Variants in CEP350 observed in about 807,000 individuals in gnomAD.
CEP350 encodes the protein centrosomal protein 350, also known as centrosome-associated protein 350.
Under a neutral mutation model 331.8 loss-of-function variants are expected in CEP350, and 126 were observed. The ratio of observed to expected loss-of-function variants is 0.38; its 90% CI spans 0.33 to 0.44. The LOEUF is 0.44. Among genes scored for constraint, CEP350 ranks in the 20% least tolerant of loss-of-function variants. The pLI is 1.00. For synonymous variants in CEP350, 1,200 were observed against 1,259.5 expected, an observed-to-expected ratio of 0.95 and a Z score of 1.00; for missense variants, 3,406 against 3,634.6, an observed-to-expected ratio of 0.94 and a Z score of 1.62.
intron 27 of CEP350, among the ~76,000 whole-genome samples, chr1:180,069,230 A>G (rs1185981487): frequency 6.6e-6 from 1 of 152,212 alleles, no homozygotes; most frequent in East Asian, 1.9e-4. Flanking sequence ...GGCTTACAAA[A>G]CTGTTAAAGG....
chr1:180,074,057 C>T, intron 27 of CEP350: 1 of 650,926 alleles, frequency 1.5e-6, no homozygotes, highest in Non-Finnish European at 2.2e-6. Context: ...CTTTTGTTTC[C>T]ACATTAATTT....
chr1:180,067,789 AC>A (rs1658633069), intron 27 of CEP350, among the ~76,000 whole-genome samples: 1 of 152,232 alleles, frequency 6.6e-6, no homozygotes, highest in Non-Finnish European at 1.5e-5. Context: ...GGTCTCTGAA[AC>A]AAAGTAATGT....
chr1:180,078,720 A>T, intron 29 of CEP350, 46 bp downstream of exon 29: 1 of 1,489,260 alleles, frequency 6.7e-7, no homozygotes, highest in East Asian at 2.5e-5. Context: ...TAGAAAAAAA[A>T]CTGAAAGGTA....
chr1:180,001,272 T>G (rs1356529761), intron 6 of CEP350, among the ~76,000 whole-genome samples: 1 of 152,166 alleles, frequency 6.6e-6, no homozygotes, highest in Non-Finnish European at 1.5e-5. Context: ...TTTATTTTAT[T>G]TTTTGAGACA....
Position 180,062,315 on chromosome 1 carries a change from G to C in CEP350, c.5358G>C (p.Gln1786His), listed in dbSNP as rs763027078. The change falls in exon 26 of 38, where the codon CAG (glutamine) becomes CAC (histidine). Residue 1786 changes from glutamine (Q) to histidine (H), a missense_variant. Gln to His is a conservative substitution (Grantham distance 24). Coordinates refer to ENST00000367607, the MANE Select transcript of CEP350 (RefSeq NM_014810.5). The part of the protein sequence containing the change: ...KQQEEIEKIR[Q>H]TTIKLQEKLK... ...AGGAGGAGATAGAAAAGATCCGACA[G>C]ACCACCATAAAACTACAGGAGAAAT... 1 of 1,610,874 alleles carries C rather than the reference G, an allele frequency of 6.2e-7. No individual in the cohort carries two copies. Among genetic ancestry groups the C allele is most frequent in the Non-Finnish European group, 8.5e-7 (1 of 1,178,338 alleles).
At chr1:180,061,343 A>T (rs1658217599) in intron 25 of CEP350, among the ~76,000 whole-genome samples, 1 of 151,814 alleles carries the variant, frequency 6.6e-6, no homozygotes, top group African/African-American at 2.4e-5. Context: ...ACCACAGGTG[A>T]GTGCCACCAC....
chr1:180,109,561 A>C (rs1473177825), intron 37 of CEP350, among the ~76,000 whole-genome samples: 2 of 152,316 alleles, frequency 1.3e-5, no homozygotes, highest in East Asian at 1.9e-4. Flanking sequence ...ACTTGAGATC[A>C]GGGTTCACTT....
chr1:180,037,661 TA>T (rs1255160011), intron 17 of CEP350, among the ~76,000 whole-genome samples: 1 of 152,158 alleles, frequency 6.6e-6, no homozygotes, highest in Non-Finnish European at 1.5e-5. Flanking sequence ...TTTATTTATT[TA>T]TTTTTTTGAG....
intron 33 of CEP350, 113 bp downstream of exon 33, chr1:180,090,909 T>A: frequency 1.2e-6 from 1 of 855,178 alleles, no homozygotes; most frequent in Non-Finnish European, 1.6e-6. Flanking sequence ...ATTTCTTAAG[T>A]AGATTATTTA....
chr1:180,084,525 C>T (rs370873685), intron 31 of CEP350, among the ~76,000 whole-genome samples: 30 of 152,128 alleles, frequency 2.0e-4, no homozygotes, highest in South Asian at 6.2e-4. Flanking sequence ...CCACTACGCC[C>T]GGCTAATTTT....
chr1:180,076,264 A>G (rs552369374), intron 28 of CEP350, among the ~76,000 whole-genome samples: 2 of 152,316 alleles, frequency 1.3e-5, no homozygotes, highest in East Asian at 3.9e-4. Flanking sequence ...TGAGGCTAGT[A>G]TATAAGTTTG....
chr1:180,004,079 T>C (rs1344815824), intron 7 of CEP350, among the ~76,000 whole-genome samples: 1 of 152,224 alleles, frequency 6.6e-6, no homozygotes, highest in Non-Finnish European at 1.5e-5. Flanking sequence ...AATGTAATAG[T>C]TAAGAGCCAA....
intron 17 of CEP350, among the ~76,000 whole-genome samples, chr1:180,038,549 A>G (rs1470790087): frequency 6.6e-6 from 1 of 152,170 alleles, no homozygotes. Flanking sequence ...ATCATTTGGT[A>G]TTATCAGTCT....
At chr1:179,989,274 G>A (rs114435850) in intron 3 of CEP350, among the ~76,000 whole-genome samples, 4,553 of 151,774 alleles carry the variant, frequency 0.03, 119 homozygotes, top group South Asian at 0.07. Flanking sequence ...ACATTTGGGA[G>A]CTTATTAAAA....
At chr1:179,963,478 A>G (rs977681899) in intron 1 of CEP350, among the ~76,000 whole-genome samples, 1 of 151,778 alleles carries the variant, frequency 6.6e-6, no homozygotes, top group African/African-American at 2.4e-5. Context: ...GTCTTGAGTT[A>G]ATTTTTGTAT....
At chr1:180,050,301 G>A (rs1657400286) in intron 22 of CEP350, among the ~76,000 whole-genome samples, 1 of 152,120 alleles carries the variant, frequency 6.6e-6, no homozygotes, top group Non-Finnish European at 1.5e-5. Context: ...CAGATTGGGA[G>A]AAAATATTTG....
chr1:179,972,221 G>A (rs1651501076), intron 1 of CEP350, among the ~76,000 whole-genome samples: 1 of 152,090 alleles, frequency 6.6e-6, no homozygotes, highest in South Asian at 2.1e-4. Flanking sequence ...TGGCATGTAG[G>A]TGGTTTTGAA....
chr1:180,080,622 T>A lies in CEP350; in HGVS notation c.6085T>A (p.Tyr2029Asn). ...GCCTATCAAGTCCCATCAGCACTGTTATAGTTGGTCAGATGAGTCATTATC... is the reference window on the plus strand; with the variant it reads ...GCCTATCAAGTCCCATCAGCACTGTAATAGTTGGTCAGATGAGTCATTATC... ...HLPIKSHQHC[Y>N]SWSDESLSMT... The change falls in exon 30 of 38, where the codon TAT (tyrosine) becomes AAT (asparagine). Residue 2029 changes from tyrosine (Y) to asparagine (N), a missense_variant. Tyr to Asn is a moderately radical substitution (Grantham distance 143). This residue lies in a region of CEP350 where 1,415 missense variants were observed against 1,512.3 expected (regional missense o/e 0.94). Coordinates refer to ENST00000367607, the MANE Select transcript of CEP350 (RefSeq NM_014810.5). 2 of 1,613,842 alleles carry A rather than the reference T, an allele frequency of 1.2e-6. No individual in the cohort carries two copies. The highest frequency in any genetic ancestry group is 1.7e-6 in the Non-Finnish European group (2 of 1,179,838).
rs1174145618 is a variant in CEP350 at position 180,098,056 on chromosome 1, C to T, written c.9067-807C>T. 2.6e-5 allele frequency among the ~76,000 whole-genome samples: 4 copies of T among 152,136 alleles called. No individual in the cohort carries two copies. The East Asian group carries it at 7.7e-4, about 29-fold the overall frequency. ...CGTGATCTCAGCCCACTGCAACCTC[C>T]GCCTCCTGGATTCAAGTGATTCTCC... On this transcript the variant is annotated intron_variant, in intron 36 of 37. Transcript: ENST00000367607.
Sources: gnomAD v4.1 joint callset for allele counts (sites outside exome capture counted in the v4.1 genomes callset) on GRCh38, gnomAD v4.1.1 for gene constraint, gnomAD v4.1.1 regional missense constraint, MANE v1.5 for transcripts, NCBI Gene and HGNC (gene_info 2026-07-23, HGNC 2026-07-21) for gene names.